Variants in ROBO1 observed in about 807,000 individuals in gnomAD.
The protein encoded by ROBO1 is roundabout guidance receptor 1, also known as roundabout homolog 1.
Under a neutral mutation model 195.9 loss-of-function variants are expected in ROBO1, and 149 were observed. The observed-to-expected ratio is 0.76, with a 90% CI of 0.67 to 0.87. The LOEUF (loss-of-function observed/expected upper bound fraction) is 0.87, where lower values mean the gene tolerates loss of function less well. Among genes scored for constraint, ROBO1 ranks in the 40% least tolerant of loss-of-function variants. The pLI, the probability that ROBO1 is intolerant of heterozygous loss-of-function variation, is 0.00. For synonymous variants in ROBO1, 816 were observed against 733.2 expected, an observed-to-expected ratio of 1.11 and a Z score of -1.82; for missense variants, 1,933 against 2,068.3, an observed-to-expected ratio of 0.93 and a Z score of 1.27.
intron 3 of ROBO1, among the ~76,000 whole-genome samples, chr3:78,945,986 G>T (rs933680167): frequency 6.6e-6 from 1 of 151,762 alleles, no homozygotes; most frequent in Non-Finnish European, 1.5e-5. Flanking sequence ...AAAATAAAAA[G>T]AAATCAACAA....
intron 14 of ROBO1, among the ~76,000 whole-genome samples, chr3:78,666,683 G>T (rs142960352): frequency 6.6e-6 from 1 of 152,074 alleles, no homozygotes; most frequent in Non-Finnish European, 1.5e-5. Context: ...AGACAAACGT[G>T]GGCATGTTCT....
intron 3 of ROBO1, among the ~76,000 whole-genome samples, chr3:78,966,856 T>A (rs1250219042): frequency 6.6e-6 from 1 of 152,208 alleles, no homozygotes; most frequent in Non-Finnish European, 1.5e-5. Context: ...AATTATCTGC[T>A]TTAATTATAG....
intron 2 of ROBO1, among the ~76,000 whole-genome samples, chr3:79,286,123 C>T (rs540297771): frequency 7.9e-5 from 12 of 152,274 alleles, no homozygotes; most frequent in East Asian, 5.8e-4. Flanking sequence ...TCAATAAACA[C>T]GTCCCAAAGT....
At chr3:79,552,458 A>G (rs950190010) in intron 2 of ROBO1, among the ~76,000 whole-genome samples, 2 of 152,122 alleles carry the variant, frequency 1.3e-5, no homozygotes, top group African/African-American at 4.8e-5. Flanking sequence ...TTTTAAATTG[A>G]ATGTGGACAT....
At chr3:79,576,546 G>GA (rs200237970) in intron 2 of ROBO1, among the ~76,000 whole-genome samples, 51 of 150,906 alleles carry the variant, frequency 3.4e-4, no homozygotes, top group Non-Finnish European at 6.5e-4. Context: ...ACAAAACAAA[G>GA]AAAAAAAAAT....
intron 5 of ROBO1, among the ~76,000 whole-genome samples, chr3:78,731,214 T>G (rs557034525): frequency 6.6e-6 from 1 of 152,138 alleles, no homozygotes; most frequent in East Asian, 1.9e-4. Context: ...GAACAGAAAA[T>G]GTAATACAAA....
chr3:78,767,699 A>G (rs570025468), intron 4 of ROBO1, among the ~76,000 whole-genome samples: 1 of 152,036 alleles, frequency 6.6e-6, no homozygotes, highest in Non-Finnish European at 1.5e-5. Flanking sequence ...TAGGTTTTCT[A>G]GTTTATGTGT....
intron 1 of ROBO1, among the ~76,000 whole-genome samples, chr3:79,699,878 G>T (rs999137049): frequency 5.3e-5 from 8 of 151,528 alleles, no homozygotes; most frequent in African/African-American, 9.7e-5. Flanking sequence ...GTATGTGTAG[G>T]TTTGTCATAT....
chr3:78,850,770 C>A (rs1364122161), intron 4 of ROBO1, among the ~76,000 whole-genome samples: 2 of 151,856 alleles, frequency 1.3e-5, no homozygotes, highest in Non-Finnish European at 2.9e-5. Context: ...TAAATTACAC[C>A]TGTTATTTTC....
At chr3:79,647,773 A>G (rs1945875856) in intron 1 of ROBO1, among the ~76,000 whole-genome samples, 1 of 152,102 alleles carries the variant, frequency 6.6e-6, no homozygotes, top group East Asian at 1.9e-4. Context: ...AATGAGATAC[A>G]GCAGGTCCTC....
At chr3:79,244,984 T>G (rs568250537) in intron 2 of ROBO1, among the ~76,000 whole-genome samples, 1 of 152,206 alleles carries the variant, frequency 6.6e-6, no homozygotes, top group Non-Finnish European at 1.5e-5. Context: ...ATAAGGAGAT[T>G]TTCTCATATA....
At chr3:78,936,670 A>C (rs934235910) in intron 4 of ROBO1, among the ~76,000 whole-genome samples, 1 of 151,884 alleles carries the variant, frequency 6.6e-6, no homozygotes, top group African/African-American at 2.4e-5. Context: ...TATATGGGGG[A>C]GGGTGTGCAT....
intron 1 of ROBO1, among the ~76,000 whole-genome samples, chr3:79,691,458 T>C (rs1947295289): frequency 6.6e-6 from 1 of 151,326 alleles, no homozygotes; most frequent in African/African-American, 2.4e-5. Context: ...TCTGTATCTA[T>C]ATAATATATA....
chr3:79,648,901 C>T (rs141951009), intron 1 of ROBO1, among the ~76,000 whole-genome samples: 2 of 152,114 alleles, frequency 1.3e-5, no homozygotes, highest in East Asian at 1.9e-4. Flanking sequence ...TATTAGAAAG[C>T]ATGTGACAAT....
chr3:79,580,313 A>C (rs558802612), intron 2 of ROBO1, among the ~76,000 whole-genome samples: 170 of 152,014 alleles, frequency 1.1e-3, no homozygotes, highest in Middle Eastern at 3.4e-3. Context: ...CTCTACTAAA[A>C]ACAAAAAAAA....
At chr3:78,857,759 A>C (rs549164222) in intron 4 of ROBO1, among the ~76,000 whole-genome samples, 1 of 152,320 alleles carries the variant, frequency 6.6e-6, no homozygotes, top group South Asian at 2.1e-4. Flanking sequence ...AAGGATACAC[A>C]TCTAGGAATT....
chr3:79,043,109 G>A (rs1559615603), intron 3 of ROBO1, among the ~76,000 whole-genome samples: 1 of 152,026 alleles, frequency 6.6e-6, no homozygotes, highest in Non-Finnish European at 1.5e-5. Flanking sequence ...CAGATTTAAA[G>A]AAATTGCCTA....
intron 2 of ROBO1, among the ~76,000 whole-genome samples, chr3:79,569,817 G>A (rs1484388481): frequency 2.0e-5 from 3 of 151,994 alleles, no homozygotes; most frequent in South Asian, 2.1e-4. Context: ...TGAGGTATTC[G>A]GCCTGGCACG....
intron 5 of ROBO1, among the ~76,000 whole-genome samples, chr3:78,740,442 TTTTCTTTTTTTCTTTCTTTC>T (rs1357000218): frequency 3.2e-5 from 2 of 61,668 alleles, no homozygotes; most frequent in Non-Finnish European, 7.0e-5. Context: ...TATTTCTTAT[TTTTCTTTTTTTCTTTCTTTC>T]TTTCTTTCTT....
Sources: gnomAD v4.1 joint callset for allele counts (sites outside exome capture counted in the v4.1 genomes callset) on GRCh38, gnomAD v4.1.1 for gene constraint, MANE v1.5 for transcripts, NCBI Gene and HGNC (gene_info 2026-07-23, HGNC 2026-07-21) for gene names.